The following SGMS1 variants were observed in gnomAD, a reference collection of about 807,000 sequenced individuals.
SGMS1 encodes the protein phosphatidylcholine:ceramide cholinephosphotransferase 1.
SGMS1 carries 13 observed loss-of-function variants against 46.2 expected under a neutral mutation model. The ratio of observed to expected loss-of-function variants is 0.28; its 90% CI spans 0.18 to 0.45. The LOEUF is 0.45. SGMS1 is among the 20% of genes least tolerant of loss of function. SGMS1 has a pLI of 1.00. For missense variants in SGMS1, 324 were observed against 519.9 expected (o/e 0.62, Z 3.66); for synonymous variants, 203 against 187.8 (o/e 1.08, Z -0.66).
intron 1 of SGMS1, among the ~76,000 whole-genome samples, chr10:50,604,829 A>G (rs1259831948): frequency 7.2e-6 from 1 of 137,970 alleles, no homozygotes; most frequent in Non-Finnish European, 1.6e-5. Context: ...CAGACTCCAA[A>G]AAAATGACTA....
chr10:50,327,395 T>A, intron 7 of SGMS1, 73 bp from the exon 8 acceptor site: 1 of 907,144 alleles, frequency 1.1e-6, no homozygotes, highest in Non-Finnish European at 1.8e-6. Flanking sequence ...AATTTTTCAA[T>A]GACTCAATAA....
intron 1 of SGMS1, among the ~76,000 whole-genome samples, chr10:50,601,469 CAG>C (rs1415653625): frequency 6.6e-6 from 1 of 152,234 alleles, no homozygotes; most frequent in African/African-American, 2.4e-5. Flanking sequence ...CCACTTAAGA[CAG>C]AATGGAATGG....
chr10:50,578,208 G>A (rs1273734048), intron 2 of SGMS1, among the ~76,000 whole-genome samples: 1 of 152,286 alleles, frequency 6.6e-6, no homozygotes, highest in African/African-American at 2.4e-5. Context: ...TGAATGCTTT[G>A]TGGAAGCATT....
intron 1 of SGMS1, among the ~76,000 whole-genome samples, chr10:50,608,245 A>G (rs932104472): frequency 2.0e-5 from 3 of 152,246 alleles, no homozygotes; most frequent in African/African-American, 7.2e-5. Flanking sequence ...TCAGAGAGAT[A>G]TACACCAAAA....
intron 1 of SGMS1, among the ~76,000 whole-genome samples, chr10:50,606,735 C>T (rs756222503): frequency 3.9e-5 from 6 of 152,098 alleles, no homozygotes; most frequent in Non-Finnish European, 8.8e-5. Flanking sequence ...ATTGCATCAC[C>T]GTGTAAGTAA....
chr10:50,507,488 T>A (rs993558390), intron 3 of SGMS1, among the ~76,000 whole-genome samples: 2 of 152,012 alleles, frequency 1.3e-5, no homozygotes, highest in Middle Eastern at 6.8e-3. Flanking sequence ...TATCAAACAC[T>A]CTGGAGGGGC....
intron 4 of SGMS1, among the ~76,000 whole-genome samples, chr10:50,463,769 C>T (rs2133690166): frequency 6.6e-6 from 1 of 152,254 alleles, no homozygotes; most frequent in South Asian, 2.1e-4. Flanking sequence ...GAGGTGGACG[C>T]AACCCACACA....
At chr10:50,439,186 G>A (rs139326361) in intron 5 of SGMS1, among the ~76,000 whole-genome samples, 166 of 152,150 alleles carry the variant, frequency 1.1e-3, no homozygotes, top group Middle Eastern at 6.8e-3. Context: ...TAATATGGGC[G>A]CCTTAAAAAC....
At chr10:50,327,149 C>T in intron 8 of SGMS1, 56 bp downstream of exon 8, 1 of 1,071,942 alleles carries the variant, frequency 9.3e-7, no homozygotes, top group Non-Finnish European at 1.4e-6. Context: ...CTCAAAGGAC[C>T]CCAGGGCAAG....
chr10:50,357,575 C>T (rs1289727742), intron 6 of SGMS1, among the ~76,000 whole-genome samples: 4 of 152,116 alleles, frequency 2.6e-5, no homozygotes, highest in Admixed American at 1.3e-4. Context: ...CTAGCACTAA[C>T]CTGTACTCCA....
chr10:50,622,874 C>G (rs973595287), intron 1 of SGMS1, among the ~76,000 whole-genome samples: 1 of 152,268 alleles, frequency 6.6e-6, no homozygotes, highest in African/African-American at 2.4e-5. Context: ...CGGGTTAAGA[C>G]GGTGGGAGAG....
intron 3 of SGMS1, among the ~76,000 whole-genome samples, chr10:50,500,904 T>C (rs1837656305): frequency 6.6e-6 from 1 of 152,210 alleles, no homozygotes. Flanking sequence ...TACTCTTTAA[T>C]TTCAGTAACT....
intron 3 of SGMS1, among the ~76,000 whole-genome samples, chr10:50,471,298 G>A (rs1837376778): frequency 1.3e-5 from 2 of 152,182 alleles, no homozygotes; most frequent in Admixed American, 6.6e-5. Context: ...GAGCATGAAG[G>A]TGGGATTATA....
At chr10:50,499,419 T>C (rs564718533) in intron 3 of SGMS1, among the ~76,000 whole-genome samples, 27 of 152,310 alleles carry the variant, frequency 1.8e-4, no homozygotes, top group Admixed American at 5.2e-4. Context: ...GTCTCATTAT[T>C]GCTGGTATAC....
intron 1 of SGMS1, among the ~76,000 whole-genome samples, chr10:50,609,496 G>C (rs1247255694): frequency 6.7e-6 from 1 of 148,642 alleles, no homozygotes; most frequent in African/African-American, 2.5e-5. Context: ...GCCCATAGTA[G>C]GGCCCAACCA....
chr10:50,351,696 TG>T (rs1302881616), intron 6 of SGMS1, among the ~76,000 whole-genome samples: 1 of 152,208 alleles, frequency 6.6e-6, no homozygotes. Flanking sequence ...AAGTGCCTTT[TG>T]CCTCCTGCCA....
intron 1 of SGMS1, among the ~76,000 whole-genome samples, chr10:50,604,513 C>T (rs11006277): frequency 0.25 from 37,920 of 152,084 alleles, 5,091 homozygotes; most frequent in Middle Eastern, 0.34. Flanking sequence ...GAAATTTTAA[C>T]GGCACAAAAG....
chr10:50,475,601 C>T (rs573550503), intron 3 of SGMS1, among the ~76,000 whole-genome samples: 100 of 152,136 alleles, frequency 6.6e-4, no homozygotes, highest in African/African-American at 2.2e-3. Context: ...GTGTCCCTAC[C>T]CAAATCTCAT....
intron 6 of SGMS1, among the ~76,000 whole-genome samples, chr10:50,377,210 T>A (rs896804261): frequency 6.6e-6 from 1 of 152,172 alleles, no homozygotes; most frequent in Non-Finnish European, 1.5e-5. Flanking sequence ...TCATGCTGCA[T>A]CAAAACATGT....
Sources: allele counts gnomAD v4.1 joint callset (sites outside exome capture counted in the v4.1 genomes callset), GRCh38; gene constraint gnomAD v4.1.1; transcripts MANE v1.5; gene names NCBI Gene and HGNC (gene_info 2026-07-23, HGNC 2026-07-21).